ARL8B: variants seen among roughly 807,000 people sequenced by gnomAD.
ARL8B encodes the protein ADP-ribosylation factor-like protein 8B.
Under a neutral mutation model 30.6 loss-of-function variants are expected in ARL8B, and 9 were observed. That is an observed-to-expected ratio of 0.29 (90% CI 0.18 to 0.51). ARL8B has a LOEUF of 0.51. ARL8B is among the 20% of genes least tolerant of loss of function. ARL8B has a pLI of 0.97. For synonymous variants in ARL8B, 74 were observed against 76.0 expected, an observed-to-expected ratio of 0.97 and a Z score of 0.14; for missense variants, 130 against 227.2, an observed-to-expected ratio of 0.57 and a Z score of 2.75.
chr3:5,133,402 A>C (rs1036310950), intron 1 of ARL8B, among the ~76,000 whole-genome samples: 1 of 152,174 alleles, frequency 6.6e-6, no homozygotes, highest in African/African-American at 2.4e-5. Flanking sequence ...TGGTTGAGAG[A>C]CATTGAGGGA....
intron 1 of ARL8B, among the ~76,000 whole-genome samples, chr3:5,147,022 C>G (rs1575564976): frequency 6.8e-6 from 1 of 147,714 alleles, no homozygotes; most frequent in East Asian, 2.0e-4. Flanking sequence ...TTTTCTTCCT[C>G]TTTTTTTTTT....
chr3:5,154,983 C>T (rs1457723304), intron 1 of ARL8B, among the ~76,000 whole-genome samples: 3 of 152,234 alleles, frequency 2.0e-5, no homozygotes, highest in African/African-American at 7.2e-5. Flanking sequence ...GATCCTCCCA[C>T]TTCAGCCTCC....
At chr3:5,146,361 C>T (rs1057163292) in intron 1 of ARL8B, among the ~76,000 whole-genome samples, 12 of 152,154 alleles carry the variant, frequency 7.9e-5, no homozygotes, top group South Asian at 4.1e-4. Context: ...CCAATCTATA[C>T]GACCCATCAG....
chr3:5,131,392 A>C (rs2054282096), intron 1 of ARL8B, among the ~76,000 whole-genome samples: 1 of 128,548 alleles, frequency 7.8e-6, no homozygotes, highest in African/African-American at 3.5e-5. Context: ...AAAAATTAAA[A>C]AATTTTTTTT....
At chr3:5,140,912 T>A (rs958034777) in intron 1 of ARL8B, among the ~76,000 whole-genome samples, 8 of 152,172 alleles carry the variant, frequency 5.3e-5, no homozygotes, top group Non-Finnish European at 1.2e-4. Flanking sequence ...TTGGCGGTCT[T>A]GCAAGATCTG....
chr3:5,130,880 A>G (rs2054277126), intron 1 of ARL8B, among the ~76,000 whole-genome samples: 1 of 151,826 alleles, frequency 6.6e-6, no homozygotes, highest in Non-Finnish European at 1.5e-5. Context: ...GAGGTTGCTT[A>G]AAATCTAGGC....
intron 1 of ARL8B, among the ~76,000 whole-genome samples, chr3:5,145,036 C>T (rs1192869175): frequency 6.6e-6 from 1 of 152,166 alleles, no homozygotes; most frequent in African/African-American, 2.4e-5. Context: ...ATCTACCTTT[C>T]TCACATAAGG....
At chr3:5,136,410 G>C (rs2054326171) in intron 1 of ARL8B, among the ~76,000 whole-genome samples, 1 of 152,142 alleles carries the variant, frequency 6.6e-6, no homozygotes, top group Non-Finnish European at 1.5e-5. Context: ...TGAGGAATCT[G>C]GGTTCCATTT....
intron 1 of ARL8B, among the ~76,000 whole-genome samples, chr3:5,154,148 CTG>C (rs2054512311): frequency 6.6e-6 from 1 of 151,844 alleles, no homozygotes; most frequent in African/African-American, 2.4e-5. Flanking sequence ...TACTTCTTGA[CTG>C]TAATTTTGTC....
Position 5,172,145 on chromosome 3 carries a change from T to C in ARL8B, c.205-5T>C, listed in dbSNP as rs201226709. On this transcript the variant is annotated splice_region_variant and splice_polypyrimidine_tract_variant and intron_variant, in intron 2 of 6. Coordinates refer to ENST00000256496, the MANE Select transcript of ARL8B (RefSeq NM_018184.3). ...TATTAAGAATTGCCTTGTTTTGATT[T>C]AAAGATCTGGGACATAGGAGGACAA... The C allele has an allele frequency of 2.9e-4, 461 of 1,611,856 alleles. No homozygotes were observed. Among genetic ancestry groups the C allele is most frequent in the Non-Finnish European group, 3.5e-4 (416 of 1,178,798 alleles).
At position 5,122,343 on chromosome 3, in the gene ARL8B, G is replaced by T. The variant is rs559416959; in HGVS notation, c.-123G>T. ...TGGCTGCTGCCGCCCGCCGGTGTCC[G>T]CCCGTGTCGCGCCGGGGCACCAAGG... On this transcript the variant is annotated 5_prime_UTR_variant, in exon 1 of 7. Coordinates refer to ENST00000256496, the MANE Select transcript of ARL8B (RefSeq NM_018184.3). The T allele has an allele frequency of 1.3e-6, 2 of 1,543,656 alleles. No individual in the cohort carries two copies. Among genetic ancestry groups the T allele is most frequent in the Admixed American group, 1.9e-5 (1 of 51,556 alleles).
intron 1 of ARL8B, among the ~76,000 whole-genome samples, chr3:5,156,665 C>T (rs952388582): frequency 6.6e-6 from 1 of 152,240 alleles, no homozygotes; most frequent in African/African-American, 2.4e-5. Flanking sequence ...ATCCACCCGC[C>T]TTGGCCTCCC....
intron 1 of ARL8B, among the ~76,000 whole-genome samples, chr3:5,123,991 C>T (rs2054206332): frequency 6.6e-6 from 1 of 152,064 alleles, no homozygotes; most frequent in African/African-American, 2.4e-5. Context: ...TTCCTGCCTC[C>T]ACCTCCTGCG....
chr3:5,162,934 C>A (rs574570629), intron 1 of ARL8B, among the ~76,000 whole-genome samples: 1 of 151,180 alleles, frequency 6.6e-6, no homozygotes, highest in African/African-American at 2.4e-5. Flanking sequence ...TGGAGTCTCC[C>A]ATGTTTGTTG....
chr3:5,132,238 T>A (rs2054289237), intron 1 of ARL8B, among the ~76,000 whole-genome samples: 1 of 152,046 alleles, frequency 6.6e-6, no homozygotes, highest in Admixed American at 6.6e-5. Context: ...GGATTGATCA[T>A]ATTCCCTATG....
At chr3:5,158,417 G>A (rs1016143578) in intron 1 of ARL8B, among the ~76,000 whole-genome samples, 1 of 152,160 alleles carries the variant, frequency 6.6e-6, no homozygotes, top group African/African-American at 2.4e-5. Flanking sequence ...TGCTTTCCCT[G>A]TACCAAGCAC....
rs1243358756 is a variant in ARL8B at position 5,180,699 on chromosome 3, T to C, written c.*1986T>C. The C allele has an allele frequency of 6.5e-6, 1 of 152,682 alleles. No individual in the cohort carries two copies. Among genetic ancestry groups the C allele is most frequent in the African/African-American group, 2.4e-5 (1 of 41,464 alleles). 9.5% of individuals were successfully genotyped at this position (152,682 alleles called of 1,614,324 possible). On this transcript the variant is annotated 3_prime_UTR_variant, in exon 7 of 7. Coordinates refer to ENST00000256496, the MANE Select transcript of ARL8B (RefSeq NM_018184.3). ...TTTAGGTGGATGCATTTTTTGTCTG[T>C]TTACTGCTCTTCTCAGCTTTATTCA... is the stretch of plus-strand genomic sequence containing the variant.
At chr3:5,169,165 T>A (rs144322444) in intron 1 of ARL8B, among the ~76,000 whole-genome samples, 1 of 152,160 alleles carries the variant, frequency 6.6e-6, no homozygotes, top group Non-Finnish European at 1.5e-5. Context: ...TACATTCACA[T>A]TGTGTAACCA....
At chr3:5,156,479 C>T (rs974851558) in intron 1 of ARL8B, among the ~76,000 whole-genome samples, 16 of 151,736 alleles carry the variant, frequency 1.1e-4, no homozygotes, top group African/African-American at 1.7e-4. Context: ...TGCAGTGGCA[C>T]GATCCTGTCT....
Sources: allele counts gnomAD v4.1 joint callset (sites outside exome capture counted in the v4.1 genomes callset), GRCh38; gene constraint gnomAD v4.1.1; transcripts MANE v1.5; gene names NCBI Gene and HGNC (gene_info 2026-07-23, HGNC 2026-07-21).